TTC28: variants seen among roughly 807,000 people sequenced by gnomAD.
TTC28 encodes the protein tetratricopeptide repeat domain 28.
Under a neutral mutation model 198.0 loss-of-function variants are expected in TTC28, and 61 were observed. The ratio of observed to expected loss-of-function variants is 0.31; its 90% CI spans 0.25 to 0.38. The LOEUF (loss-of-function observed/expected upper bound fraction) is 0.38, where lower values mean the gene tolerates loss of function less well. Ranked by LOEUF, TTC28 falls within the 10% of genes least tolerant of loss-of-function variation. The pLI is 1.00. For synonymous variants in TTC28, 1,171 were observed against 1,297.8 expected, an observed-to-expected ratio of 0.90 and a Z score of 2.10; for missense variants, 2,678 against 3,164.0, an observed-to-expected ratio of 0.85 and a Z score of 3.69.
intron 1 of TTC28, among the ~76,000 whole-genome samples, chr22:28,654,114 C>G (rs531704450): frequency 2.6e-5 from 4 of 152,188 alleles, no homozygotes; most frequent in South Asian, 4.2e-4. Flanking sequence ...GTCAGAGTAC[C>G]TGTTCATTTG....
At chr22:28,465,831 G>A (rs893302712) in intron 2 of TTC28, among the ~76,000 whole-genome samples, 3 of 151,964 alleles carry the variant, frequency 2.0e-5, no homozygotes, top group Admixed American at 6.6e-5. Flanking sequence ...CCCCATCTTC[G>A]ACATATAACT....
intron 2 of TTC28, among the ~76,000 whole-genome samples, chr22:28,411,225 G>A (rs1399396083): frequency 2.0e-5 from 3 of 151,972 alleles, no homozygotes; most frequent in East Asian, 3.9e-4. Context: ...ATGTTTTGTC[G>A]CCTTCAAAAA....
chr22:28,326,729 C>A (rs1002529136), intron 2 of TTC28, among the ~76,000 whole-genome samples: 1 of 152,088 alleles, frequency 6.6e-6, no homozygotes, highest in Non-Finnish European at 1.5e-5. Flanking sequence ...AAACCGATTT[C>A]TTTGCAAAGT....
intron 2 of TTC28, among the ~76,000 whole-genome samples, chr22:28,543,027 A>T (rs548111581): frequency 3.9e-5 from 6 of 152,330 alleles, no homozygotes; most frequent in South Asian, 2.1e-4. Context: ...AATATTTTTT[A>T]AAAAACTAAT....
chr22:28,241,214 G>T (rs1029989646), intron 5 of TTC28, among the ~76,000 whole-genome samples: 2 of 152,138 alleles, frequency 1.3e-5, no homozygotes, highest in African/African-American at 4.8e-5. Context: ...TATCACTTCT[G>T]TAGTATTTTT....
At chr22:28,512,811 T>C (rs1438980028) in intron 2 of TTC28, among the ~76,000 whole-genome samples, 2 of 152,066 alleles carry the variant, frequency 1.3e-5, no homozygotes, top group Non-Finnish European at 2.9e-5. Flanking sequence ...AGCTAACAGA[T>C]GCTGGGCTTA....
At chr22:28,072,187 G>C (rs141919084) in intron 12 of TTC28, among the ~76,000 whole-genome samples, 1 of 152,322 alleles carries the variant, frequency 6.6e-6, no homozygotes, top group East Asian at 1.9e-4. Context: ...GTCATGCTTT[G>C]TCATGTAGAT....
At chr22:28,092,443 C>T (rs984351952) in intron 12 of TTC28, among the ~76,000 whole-genome samples, 1 of 152,168 alleles carries the variant, frequency 6.6e-6, no homozygotes, top group Non-Finnish European at 1.5e-5. Context: ...GCATGCCCAC[C>T]ATGGGATCAG....
intron 12 of TTC28, among the ~76,000 whole-genome samples, chr22:28,055,726 A>C (rs1367366633): frequency 6.6e-6 from 1 of 152,136 alleles, no homozygotes; most frequent in Non-Finnish European, 1.5e-5. Flanking sequence ...ATTTGCCTCT[A>C]AGTTTAATGC....
At chr22:28,157,703 A>C (rs1295500657) in intron 6 of TTC28, among the ~76,000 whole-genome samples, 2 of 152,220 alleles carry the variant, frequency 1.3e-5, no homozygotes, top group African/African-American at 4.8e-5. Context: ...AAAGCATTTG[A>C]TAAAGTTCAA....
intron 5 of TTC28, among the ~76,000 whole-genome samples, chr22:28,265,260 T>C (rs1398954251): frequency 1.3e-5 from 2 of 152,164 alleles, no homozygotes; most frequent in Non-Finnish European, 2.9e-5. Context: ...TTTTGTGGGG[T>C]CACGCACACC....
chr22:28,018,502 G>A (rs1035808748), intron 13 of TTC28, among the ~76,000 whole-genome samples: 1 of 152,214 alleles, frequency 6.6e-6, no homozygotes, highest in African/African-American at 2.4e-5. Context: ...CAGCCCCGCA[G>A]CAGCAGCCTT....
intron 2 of TTC28, among the ~76,000 whole-genome samples, chr22:28,379,100 G>A (rs1220671278): frequency 1.3e-5 from 2 of 152,076 alleles, no homozygotes; most frequent in Non-Finnish European, 2.9e-5. Flanking sequence ...GGTAAGTGGA[G>A]CAACATCTCT....
intron 5 of TTC28, among the ~76,000 whole-genome samples, chr22:28,173,508 T>C (rs1044111488): frequency 1.3e-5 from 2 of 152,240 alleles, no homozygotes; most frequent in African/African-American, 2.4e-5. Context: ...AACTATCTAG[T>C]TGGAATAAGA....
At chr22:28,070,123 A>G (rs1940912201) in intron 12 of TTC28, among the ~76,000 whole-genome samples, 2 of 152,194 alleles carry the variant, frequency 1.3e-5, no homozygotes, top group African/African-American at 4.8e-5. Flanking sequence ...ATAATTATAA[A>G]TAAACAGTGC....
intron 2 of TTC28, among the ~76,000 whole-genome samples, chr22:28,568,250 G>C (rs1162521439): frequency 6.6e-6 from 1 of 152,186 alleles, no homozygotes; most frequent in Admixed American, 6.5e-5. Flanking sequence ...ATTGCAGGAA[G>C]ACATTGGATA....
At chr22:28,655,306 T>C (rs138943476) in intron 1 of TTC28, among the ~76,000 whole-genome samples, 1 of 152,324 alleles carries the variant, frequency 6.6e-6, no homozygotes, top group African/African-American at 2.4e-5. Flanking sequence ...TTTCCATGTA[T>C]TATCTATCCA....
chr22:28,652,769 C>A (rs2051583349), intron 1 of TTC28, among the ~76,000 whole-genome samples: 1 of 152,118 alleles, frequency 6.6e-6, no homozygotes, highest in Admixed American at 6.5e-5. Context: ...TGTAAGCCAG[C>A]AGGATGGTCC....
chr22:28,018,268 T>C (rs1938448363), intron 13 of TTC28, among the ~76,000 whole-genome samples: 1 of 118,606 alleles, frequency 8.4e-6, no homozygotes, highest in African/African-American at 3.3e-5. Context: ...TGTGTGTGTG[T>C]GTGTGTGTGT....
Sources: gnomAD v4.1 joint callset for allele counts (sites outside exome capture counted in the v4.1 genomes callset) on GRCh38, gnomAD v4.1.1 for gene constraint, MANE v1.5 for transcripts, NCBI Gene and HGNC (gene_info 2026-07-23, HGNC 2026-07-21) for gene names.